The following MALRD1 variants were observed in gnomAD, a reference collection of about 807,000 sequenced individuals.
MALRD1 encodes MAM and LDL receptor class A domain containing 1.
MALRD1 carries 247 observed loss-of-function variants against 242.1 expected under a neutral mutation model. The observed-to-expected ratio is 1.02, with a 90% confidence interval of 0.92 to 1.13. MALRD1 has a LOEUF of 1.13. MALRD1 is among the 50% of genes most tolerant of loss of function. The pLI is 0.00. For missense variants in MALRD1, 2,989 were observed against 2,533.1 expected (o/e 1.18, Z -3.86); for synonymous variants, 995 against 866.6 (o/e 1.15, Z -2.60).
Position 19,331,379 on chromosome 10 carries a change from G to T in MALRD1, c.3698G>T (p.Arg1233Ile). ...GIRSHTQIVF[R>I]AKRGISYIGD... ...GGCTTTTTTTTTTAGATTGTCTTCA[G>T]AGCCAAACGTGGTATCAGTTACATA... Residue 1233 changes from arginine to isoleucine, a missense_variant, in exon 24 of 40, where the codon AGA (arginine) becomes ATA (isoleucine). By Grantham distance (97) the Arg-to-Ile change is moderately conservative. Coordinates refer to ENST00000454679, the MANE Select transcript of MALRD1 (RefSeq NM_001142308.3). The T allele has an allele frequency of 1.3e-6, 2 of 1,550,116 alleles. No homozygotes were observed. The highest frequency in any genetic ancestry group is 1.7e-6 in the Non-Finnish European group (2 of 1,146,696).
At chr10:19,513,912 A>T (rs1833518934) in intron 31 of MALRD1, among the ~76,000 whole-genome samples, 1 of 152,172 alleles carries the variant, frequency 6.6e-6, no homozygotes, top group Admixed American at 6.5e-5. Context: ...ATATTGGGTT[A>T]GCAATTTAGG....
chr10:19,096,094 C>G (rs1410403300), intron 4 of MALRD1, among the ~76,000 whole-genome samples: 1 of 152,184 alleles, frequency 6.6e-6, no homozygotes, highest in Admixed American at 6.5e-5. Flanking sequence ...GTTTTTTGAT[C>G]AAGGTCTCTA....
intron 36 of MALRD1, among the ~76,000 whole-genome samples, chr10:19,636,178 G>T (rs182580403): frequency 6.6e-6 from 1 of 152,234 alleles, no homozygotes; most frequent in African/African-American, 2.4e-5. Flanking sequence ...ATAGGTATCA[G>T]AAGACAACAG....
At chr10:19,542,373 G>A (rs1835009146) in intron 32 of MALRD1, among the ~76,000 whole-genome samples, 1 of 151,784 alleles carries the variant, frequency 6.6e-6, no homozygotes, top group Non-Finnish European at 1.5e-5. Flanking sequence ...CATTTAGAAA[G>A]CCATTTTCTG....
At chr10:19,654,964 A>C (rs1841074737) in intron 36 of MALRD1, among the ~76,000 whole-genome samples, 1 of 152,182 alleles carries the variant, frequency 6.6e-6, no homozygotes, top group Non-Finnish European at 1.5e-5. Flanking sequence ...GTGCCACATT[A>C]TTTCCTATTA....
At chr10:19,427,517 C>T (rs564270213) in intron 28 of MALRD1, among the ~76,000 whole-genome samples, 1 of 152,270 alleles carries the variant, frequency 6.6e-6, no homozygotes, top group South Asian at 2.1e-4. Context: ...CAGATGGCCT[C>T]TTGTTAATTT....
rs946068579 is a variant in MALRD1 at position 19,694,080 on chromosome 10, A to G, written c.6314+1526A>G. ...CACCTTATACAAAAATTAATTCAAGATGGATTAAAGACGTAAATGTTAGAC... is the reference window on the plus strand; with the variant it reads ...CACCTTATACAAAAATTAATTCAAGGTGGATTAAAGACGTAAATGTTAGAC... On this transcript the variant is annotated intron_variant, in intron 38 of 39. Coordinates refer to ENST00000454679, the MANE Select transcript of MALRD1 (RefSeq NM_001142308.3). 2.6e-5 allele frequency among the ~76,000 whole-genome samples: 4 copies of G among 152,328 alleles called. No homozygotes were observed. The East Asian group carries it at 7.7e-4, about 29-fold the overall frequency.
intron 19 of MALRD1, among the ~76,000 whole-genome samples, chr10:19,271,886 C>A (rs1428216059): frequency 6.6e-6 from 1 of 152,028 alleles, no homozygotes; most frequent in Non-Finnish European, 1.5e-5. Context: ...AAAAATAATT[C>A]AGTATACTAC....
At chr10:19,513,189 A>AT (rs946961591) in intron 31 of MALRD1, among the ~76,000 whole-genome samples, 1 of 152,066 alleles carries the variant, frequency 6.6e-6, no homozygotes, top group Non-Finnish European at 1.5e-5. Flanking sequence ...ATGAGGATGG[A>AT]TTCCTCATGA....
chr10:19,526,846 A>G (rs538366230), intron 31 of MALRD1, among the ~76,000 whole-genome samples: 6 of 152,210 alleles, frequency 3.9e-5, no homozygotes, highest in Non-Finnish European at 2.9e-5. Flanking sequence ...TAGATTGTAT[A>G]ACATTTCTTT....
chr10:19,615,584 A>C (rs146914173), intron 35 of MALRD1, among the ~76,000 whole-genome samples: 1 of 151,456 alleles, frequency 6.6e-6, no homozygotes, highest in African/African-American at 2.4e-5. Context: ...AAATTAAAAA[A>C]TTAAACAAGT....
intron 10 of MALRD1, among the ~76,000 whole-genome samples, chr10:19,145,212 C>T (rs1309769808): frequency 6.6e-6 from 1 of 152,164 alleles, no homozygotes; most frequent in East Asian, 1.9e-4. Flanking sequence ...ATCTATTTTT[C>T]TCTCATAAAT....
chr10:19,328,793 C>A lies in MALRD1; in HGVS notation c.3687+1120C>A, dbSNP rs1843242163. Among the ~76,000 whole-genome samples the A allele has an allele frequency of 1.3e-5, 2 of 152,116 alleles. 1 individual carries two copies. The highest frequency in any genetic ancestry group is 4.1e-4 in the South Asian group (2 of 4,832). On this transcript the variant is annotated intron_variant, in intron 23 of 39. Transcript: ENST00000454679. ...CATAAGAAGGAAGTTCAACCTGAAG[C>A]AGTAAAGACTGAATATCAGTTTCAT...
At chr10:19,594,394 T>C (rs899406817) in intron 33 of MALRD1, among the ~76,000 whole-genome samples, 1 of 152,164 alleles carries the variant, frequency 6.6e-6, no homozygotes, top group African/African-American at 2.4e-5. Flanking sequence ...GGTGGGAATG[T>C]AAATTAGTAC....
At chr10:19,478,489 G>T (rs1406535192) in intron 29 of MALRD1, among the ~76,000 whole-genome samples, 7 of 152,066 alleles carry the variant, frequency 4.6e-5, no homozygotes, top group Non-Finnish European at 2.9e-5. Flanking sequence ...ATCAATCATG[G>T]TTTCTTCAAG....
intron 5 of MALRD1, 125 bp from the exon 6 acceptor site, chr10:19,123,367 T>C: frequency 2.4e-6 from 1 of 412,970 alleles, no homozygotes; most frequent in Non-Finnish European, 4.2e-6. Context: ...TAAAGGGTGA[T>C]GATACCATAA....
intron 18 of MALRD1, among the ~76,000 whole-genome samples, chr10:19,210,707 T>TGA (rs1837010981): frequency 1.3e-5 from 2 of 151,976 alleles, no homozygotes; most frequent in African/African-American, 4.8e-5. Flanking sequence ...TGAAATCTTC[T>TGA]AAGTCATAGA....
intron 26 of MALRD1, among the ~76,000 whole-genome samples, chr10:19,373,614 T>A (rs7078704): frequency 2.6e-5 from 4 of 152,002 alleles, no homozygotes; most frequent in Non-Finnish European, 4.4e-5. Flanking sequence ...CATAAAATAC[T>A]AGAGAAAACA....
Position 19,352,314 on chromosome 10 carries a change from G to T in MALRD1, c.4441+17G>T. 6.7e-7 allele frequency: 1 copy of T among 1,488,546 alleles called. No individual in the cohort carries two copies. The highest frequency in any genetic ancestry group is 1.2e-5 in the South Asian group (1 of 81,862). 92.2% of individuals were successfully genotyped at this position (1,488,546 alleles called of 1,614,324 possible). On this transcript the variant is annotated intron_variant, in intron 26 of 39. Transcript: ENST00000454679. ...TTCCAACAGGTACATTCTAATCTGT[G>T]TGTGTGTGTGGTATTTTTGCATGGT...
Sources: gnomAD v4.1 joint callset for allele counts (sites outside exome capture counted in the v4.1 genomes callset) on GRCh38, gnomAD v4.1.1 for gene constraint, MANE v1.5 for transcripts, NCBI Gene and HGNC (gene_info 2026-07-23, HGNC 2026-07-21) for gene names.